BTBD9: variants seen among roughly 807,000 people sequenced by gnomAD.
The protein encoded by BTBD9 is BTB/POZ domain-containing protein 9.
BTBD9 carries 49 observed loss-of-function variants against 64.3 expected under a neutral mutation model. That is an observed-to-expected ratio of 0.76 (90% CI 0.61 to 0.97). BTBD9 has a LOEUF of 0.97. Among genes scored for constraint, BTBD9 ranks in the 50% least tolerant of loss-of-function variants. The probability of loss-of-function intolerance (pLI) is 0.00; values close to 1 mark genes in which losing one functional copy is unlikely to be tolerated. For synonymous variants in BTBD9, 260 were observed against 274.7 expected (o/e 0.95, Z 0.53); for missense variants, 598 against 762.1 (o/e 0.78, Z 2.53).
At chr6:38,253,564 A>G (rs549022456) in intron 9 of BTBD9, among the ~76,000 whole-genome samples, 1 of 152,354 alleles carries the variant, frequency 6.6e-6, no homozygotes, top group African/African-American at 2.4e-5. Flanking sequence ...ACAGAGGGAC[A>G]TAAAAGAGAA....
chr6:38,189,597 C>A (rs2127482870), intron 10 of BTBD9, among the ~76,000 whole-genome samples: 1 of 152,240 alleles, frequency 6.6e-6, no homozygotes, highest in Non-Finnish European at 1.5e-5. Context: ...CCCAAGCGAT[C>A]CTCCTGCCTC....
chr6:38,299,930 A>C (rs9394489), intron 7 of BTBD9, among the ~76,000 whole-genome samples: 9,502 of 152,056 alleles, frequency 0.062, 818 homozygotes, highest in East Asian at 0.39. Context: ...GAAGTCCTTG[A>C]CCATGCCTAT....
chr6:38,264,948 A>T (rs1764920549), intron 8 of BTBD9, among the ~76,000 whole-genome samples: 1 of 152,174 alleles, frequency 6.6e-6, no homozygotes, highest in South Asian at 2.1e-4. Flanking sequence ...AGGAGGAGGG[A>T]AAAACTGGCT....
At chr6:38,303,844 T>TATATAG (rs1762502622) in intron 7 of BTBD9, among the ~76,000 whole-genome samples, 1 of 63,556 alleles carries the variant, frequency 1.6e-5, no homozygotes, top group Non-Finnish European at 2.8e-5. Flanking sequence ...TTGCTAGATA[T>TATATAG]ATATATATAT....
intron 6 of BTBD9, among the ~76,000 whole-genome samples, chr6:38,520,952 AAAAG>A (rs1349452653): frequency 6.6e-6 from 1 of 152,042 alleles, no homozygotes; most frequent in Non-Finnish European, 1.5e-5. Context: ...GTCTCAGACA[AAAAG>A]AAAAAAAGAA....
intron 7 of BTBD9, among the ~76,000 whole-genome samples, chr6:38,338,305 C>T (rs149161227): frequency 4.7e-4 from 71 of 152,222 alleles, no homozygotes; most frequent in African/African-American, 1.7e-3. Flanking sequence ...CATCATGCTA[C>T]CAGGAATGGC....
At chr6:38,295,106 G>A (rs1327387549) in intron 7 of BTBD9, among the ~76,000 whole-genome samples, 2 of 152,020 alleles carry the variant, frequency 1.3e-5, no homozygotes, top group Non-Finnish European at 2.9e-5. Flanking sequence ...AATTTATTGA[G>A]TTGAAATATT....
chr6:38,181,262 A>C (rs1761541876), intron 10 of BTBD9, among the ~76,000 whole-genome samples: 1 of 152,260 alleles, frequency 6.6e-6, no homozygotes, highest in African/African-American at 2.4e-5. Context: ...GTTCCTCCTG[A>C]ATAATTTCCA....
intron 6 of BTBD9, among the ~76,000 whole-genome samples, chr6:38,477,077 G>T (rs1191173884): frequency 2.6e-5 from 4 of 152,188 alleles, no homozygotes; most frequent in Non-Finnish European, 4.4e-5. Flanking sequence ...AGGACCAGGG[G>T]ATGCATCACA....
chr6:38,251,753 G>A (rs1293432332), intron 9 of BTBD9, among the ~76,000 whole-genome samples: 5 of 151,864 alleles, frequency 3.3e-5, no homozygotes, highest in African/African-American at 4.8e-5. Context: ...TTAGCCAGCC[G>A]TGGTAGCATA....
intron 1 of BTBD9, among the ~76,000 whole-genome samples, chr6:38,600,608 G>GA (rs539086255): frequency 1.8e-3 from 273 of 151,608 alleles, no homozygotes; most frequent in African/African-American, 6.1e-3. Context: ...CTTCCTGGCT[G>GA]AAAAAAAATG....
chr6:38,606,843 G>C (rs1173867620), intron 1 of BTBD9, among the ~76,000 whole-genome samples: 1 of 152,136 alleles, frequency 6.6e-6, no homozygotes, highest in Non-Finnish European at 1.5e-5. Context: ...TTGAGACACA[G>C]ACAAGATTCG....
At chr6:38,328,801 G>A (rs192768162) in intron 7 of BTBD9, among the ~76,000 whole-genome samples, 2 of 152,004 alleles carry the variant, frequency 1.3e-5, no homozygotes, top group East Asian at 3.9e-4. Flanking sequence ...CAAAAAATTA[G>A]CCAGGCGTGG....
chr6:38,534,296 A>G (rs1773920311), intron 6 of BTBD9, among the ~76,000 whole-genome samples: 1 of 152,022 alleles, frequency 6.6e-6, no homozygotes. Flanking sequence ...CTAGACACAT[A>G]AAACCTACCA....
At chr6:38,239,561 A>G (rs1275244124) in intron 9 of BTBD9, among the ~76,000 whole-genome samples, 2 of 152,170 alleles carry the variant, frequency 1.3e-5, no homozygotes, top group Non-Finnish European at 2.9e-5. Context: ...ACCCTTGAGT[A>G]AAAAGCACAG....
chr6:38,235,433 A>G (rs1324284635), intron 9 of BTBD9, among the ~76,000 whole-genome samples: 1 of 152,178 alleles, frequency 6.6e-6, no homozygotes, highest in Non-Finnish European at 1.5e-5. Flanking sequence ...ACAGAGCTAC[A>G]AAGAGGGAAA....
At chr6:38,266,165 C>T (rs1764964847) in intron 8 of BTBD9, among the ~76,000 whole-genome samples, 1 of 152,236 alleles carries the variant, frequency 6.6e-6, no homozygotes, top group Non-Finnish European at 1.5e-5. Context: ...TAAACACTGC[C>T]CAAGCAATCT....
At chr6:38,569,118 C>T (rs1162497381) in intron 6 of BTBD9, among the ~76,000 whole-genome samples, 1 of 152,164 alleles carries the variant, frequency 6.6e-6, no homozygotes, top group Admixed American at 6.5e-5. Context: ...TGATGGAGAG[C>T]TTTGAGAGAA....
At chr6:38,271,578 G>A (rs948148887) in intron 8 of BTBD9, among the ~76,000 whole-genome samples, 1 of 152,072 alleles carries the variant, frequency 6.6e-6, no homozygotes, top group African/African-American at 2.4e-5. Context: ...ACACAGCCAT[G>A]CCCCTCAGCA....
Sources: allele counts gnomAD v4.1 joint callset (sites outside exome capture counted in the v4.1 genomes callset), GRCh38; gene constraint gnomAD v4.1.1; transcripts MANE v1.5; gene names NCBI Gene and HGNC (gene_info 2026-07-23, HGNC 2026-07-21).